Variants in ZFPM2 observed in about 807,000 individuals in gnomAD.
ZFPM2 encodes the protein zinc finger protein, FOG family member 2, also known as zinc finger protein ZFPM2.
In ZFPM2, 20 loss-of-function variants were observed where a neutral mutation model predicts 98.6. That is an observed-to-expected ratio of 0.20 (90% CI 0.14 to 0.29). The LOEUF (loss-of-function observed/expected upper bound fraction) is 0.29. ZFPM2 is among the 10% of genes least tolerant of loss of function. ZFPM2 has a pLI of 1.00. For synonymous variants in ZFPM2, 518 were observed against 502.7 expected (o/e 1.03, Z -0.41); for missense variants, 1,310 against 1,388.6 (o/e 0.94, Z 0.90).
At chr8:105,725,427 G>C (rs1187725534) in intron 5 of ZFPM2, among the ~76,000 whole-genome samples, 1 of 151,740 alleles carries the variant, frequency 6.6e-6, no homozygotes, top group African/African-American at 2.4e-5. Flanking sequence ...TTCCTAGGCT[G>C]TTTAAATTTA....
intron 2 of ZFPM2, among the ~76,000 whole-genome samples, chr8:105,420,182 A>C (rs1196104112): frequency 6.6e-6 from 1 of 152,096 alleles, no homozygotes; most frequent in Non-Finnish European, 1.5e-5. Flanking sequence ...TTATTCAGAC[A>C]TGTTTGTTTT....
chr8:105,393,337 C>CTTTCTTTCTTTCTTTCTTTCTTTCTTT (rs1554600680), intron 1 of ZFPM2, among the ~76,000 whole-genome samples: 6 of 114,846 alleles, frequency 5.2e-5, no homozygotes, highest in East Asian at 5.4e-4. Context: ...TCTCTCTTTG[C>CTTTCTTTCTTTCTTTCTTTCTTTCTTT]CTTTCTTTCT....
At chr8:105,648,651 T>C (rs948198814) in intron 5 of ZFPM2, among the ~76,000 whole-genome samples, 1 of 152,228 alleles carries the variant, frequency 6.6e-6, no homozygotes, top group African/African-American at 2.4e-5. Flanking sequence ...TCCCCATTTC[T>C]TGTTTTTGTC....
At chr8:105,426,103 T>G (rs2130116684) in intron 2 of ZFPM2, among the ~76,000 whole-genome samples, 1 of 152,194 alleles carries the variant, frequency 6.6e-6, no homozygotes, top group Admixed American at 6.5e-5. Context: ...AATCAGAAAC[T>G]GCATAAGACA....
rs531935937 is a variant in ZFPM2 at position 105,802,865 on chromosome 8, A to G, written c.2783A>G (p.Asn928Ser). Residue 928 changes from asparagine (N) to serine (S), a missense_variant, in exon 8 of 8, where the codon AAT becomes AGT. Coordinates refer to ENST00000407775, the MANE Select transcript of ZFPM2 (RefSeq NM_012082.4). ...KNGNLKQPSP[N>S]GNLFSSHLAT... ...GGGAATTTGAAGCAGCCTTCCCCCAATGGAAACTTATTTTCATCCCACCTA... is the reference window on the plus strand; with the variant it reads ...GGGAATTTGAAGCAGCCTTCCCCCAGTGGAAACTTATTTTCATCCCACCTA... 3.0e-5 allele frequency: 48 copies of G among 1,613,626 alleles called. No individual in the cohort carries two copies. The highest frequency in any genetic ancestry group is 3.3e-4 in the Middle Eastern group (2 of 6,084).
chr8:105,784,986 C>T (rs1263001952), intron 5 of ZFPM2: 2 of 131,906 alleles, frequency 1.5e-5, no homozygotes, highest in Non-Finnish European at 3.0e-5. Flanking sequence ...TGATTTCCCT[C>T]TAACATTTAA....
intron 1 of ZFPM2, among the ~76,000 whole-genome samples, chr8:105,329,064 C>T (rs1812165734): frequency 6.6e-6 from 1 of 151,884 alleles, no homozygotes; most frequent in Non-Finnish European, 1.5e-5. Context: ...GTTGCTTAAG[C>T]TTCTGAAGTC....
chr8:105,794,791 G>A lies in ZFPM2; in HGVS notation c.740-3933G>A, dbSNP rs555436271. Among the ~76,000 whole-genome samples the A allele has an allele frequency of 5.3e-4, 81 of 152,276 alleles. 1 individual carries two copies. Among genetic ancestry groups the A allele is most frequent in the Middle Eastern group, 6.8e-3 (2 of 294 alleles). Reference sequence around the variant, plus strand: ...TAAGCAAGCCTGGGCAATGGCTGGCGCCCCTCCCCCAGCCTCGCTGCCGCC... The same window carrying A: ...TAAGCAAGCCTGGGCAATGGCTGGCACCCCTCCCCCAGCCTCGCTGCCGCC... On this transcript the variant is annotated intron_variant, in intron 6 of 7. Transcript: ENST00000407775.
intron 1 of ZFPM2, among the ~76,000 whole-genome samples, chr8:105,370,840 C>T (rs940014988): frequency 1.1e-4 from 17 of 152,284 alleles, no homozygotes; most frequent in South Asian, 2.1e-4. Flanking sequence ...TGGTAATGTA[C>T]AGATCTGGGA....
At chr8:105,715,542 A>G (rs1586215765) in intron 5 of ZFPM2, among the ~76,000 whole-genome samples, 2 of 152,172 alleles carry the variant, frequency 1.3e-5, no homozygotes, top group East Asian at 1.9e-4. Context: ...GCTACATATA[A>G]TTTATATCAG....
chr8:105,487,918 C>G (rs1391916182), intron 3 of ZFPM2, among the ~76,000 whole-genome samples: 10 of 96,718 alleles, frequency 1.0e-4, no homozygotes, highest in African/African-American at 3.5e-4. Context: ...ATCTATCTAT[C>G]TATCTATCTA....
chr8:105,444,308 A>C lies in ZFPM2; in HGVS notation c.228A>C (p.Ala76=). The C allele has an allele frequency of 1.9e-6, 3 of 1,611,962 alleles. No individual in the cohort carries two copies. The highest frequency in any genetic ancestry group is 2.5e-6 in the Non-Finnish European group (3 of 1,179,034). Residue 76 remains alanine, a synonymous_variant, in exon 3 of 8, where the codon GCA becomes GCC. Transcript: ENST00000407775. ...ATGATGAAGGAATCCAGGAGACAGCAGAATCAGATGGGGACACACAGTCAG... is the reference window on the plus strand; with the variant it reads ...ATGATGAAGGAATCCAGGAGACAGCCGAATCAGATGGGGACACACAGTCAG... ...KGDDEGIQET[A]ESDGDTQSEK...
Position 105,802,949 on chromosome 8 carries a change from A to T in ZFPM2, c.2867A>T (p.Glu956Val), listed in dbSNP as rs1438609975. ...GCTGCTCAGCTCATTGCTACAAAAG[A>T]AGAAAACAGACATTTGTTTCTTCCA... ...SEAAQLIATK[E>V]ENRHLFLPQC... Residue 956 changes from glutamate to valine, a missense_variant, in exon 8 of 8, where the codon GAA becomes GTA. Coordinates refer to ENST00000407775, the MANE Select transcript of ZFPM2 (RefSeq NM_012082.4). 6 of 1,612,912 alleles carry T rather than the reference A, an allele frequency of 3.7e-6. No individual in the cohort carries two copies. Among genetic ancestry groups the T allele is most frequent in the Non-Finnish European group, 5.1e-6 (6 of 1,179,592 alleles).
intron 5 of ZFPM2, among the ~76,000 whole-genome samples, chr8:105,765,986 G>A (rs6469015): frequency 0.27 from 41,543 of 151,656 alleles, 7,346 homozygotes; most frequent in African/African-American, 0.49. Context: ...CTAAAATCTC[G>A]CTGGTTAAAC....
chr8:105,444,226 TGAAA>T (rs2130215625), intron 2 of ZFPM2, 50 bp from the exon 3 acceptor site: 2 of 1,410,514 alleles, frequency 1.4e-6, no homozygotes, highest in African/African-American at 1.4e-5. Flanking sequence ...GGTGTGAATG[TGAAA>T]GAGAGAGCTT....
chr8:105,641,884 AT>A (rs1327415190), intron 5 of ZFPM2, among the ~76,000 whole-genome samples: 1 of 152,096 alleles, frequency 6.6e-6, no homozygotes, highest in Non-Finnish European at 1.5e-5. Context: ...GAGAAAAAAA[AT>A]ATCCTAAACC....
At chr8:105,564,702 A>G (rs1490821791) in intron 4 of ZFPM2, among the ~76,000 whole-genome samples, 2 of 152,166 alleles carry the variant, frequency 1.3e-5, no homozygotes, top group African/African-American at 4.8e-5. Flanking sequence ...CATCTGTAAC[A>G]TGATTTGAGC....
At chr8:105,319,131 GACA>G in intron 1 of ZFPM2, 150 bp downstream of exon 1, 1 of 919,994 alleles carries the variant, frequency 1.1e-6, no homozygotes, top group Non-Finnish European at 1.5e-6. Flanking sequence ...CAGTCGAAGG[GACA>G]ACTAGACAGT....
intron 3 of ZFPM2, among the ~76,000 whole-genome samples, chr8:105,503,687 A>C (rs1475190862): frequency 6.6e-6 from 1 of 152,204 alleles, no homozygotes; most frequent in Non-Finnish European, 1.5e-5. Context: ...GTAGAGAGAA[A>C]ATAATAAACA....
Sources: allele counts gnomAD v4.1 joint callset (sites outside exome capture counted in the v4.1 genomes callset), GRCh38; gene constraint gnomAD v4.1.1; transcripts MANE v1.5; gene names NCBI Gene and HGNC (gene_info 2026-07-23, HGNC 2026-07-21).